NFIA: variants seen among roughly 807,000 people sequenced by gnomAD.
NFIA encodes nuclear factor I A.
NFIA carries 8 observed loss-of-function variants against 62.8 expected under a neutral mutation model. The observed-to-expected ratio is 0.13, with a 90% CI of 0.07 to 0.23. NFIA has a LOEUF of 0.23. Among genes scored for constraint, NFIA ranks in the 10% least tolerant of loss-of-function variants. NFIA has a pLI of 1.00. For synonymous variants in NFIA, 235 were observed against 238.1 expected, an observed-to-expected ratio of 0.99 and a Z score of 0.12; for missense variants, 410 against 642.1, an observed-to-expected ratio of 0.64 and a Z score of 3.91.
chr1:61,190,809 C>T (rs909172115), intron 2 of NFIA, among the ~76,000 whole-genome samples: 4 of 152,184 alleles, frequency 2.6e-5, no homozygotes, highest in African/African-American at 7.2e-5. Flanking sequence ...ATGATTTAGA[C>T]TTCTTGCAAC....
At chr1:61,226,612 C>T (rs1164768154) in intron 2 of NFIA, among the ~76,000 whole-genome samples, 1 of 152,120 alleles carries the variant, frequency 6.6e-6, no homozygotes, top group Admixed American at 6.5e-5. Context: ...CAAAGAAATG[C>T]TTTATTTCAT....
In NFIA at chr1:61,406,542, T is replaced by TGGGGGGGGGGGGGGGGGGGGGG; in HGVS notation, c.1255-19_1255-18insGGGGGGGGGGGGGGGGGGGGGG. ...TTCTTTTTCTTGTACGTGTGTTTTC[T>TGGGGGGGGGGGGGGGGGGGGGG]GCCCCCCCCCCCCCCACAGCCCAAT... On this transcript the variant is annotated intron_variant, in intron 8 of 10. Coordinates refer to ENST00000403491, the MANE Select transcript of NFIA (RefSeq NM_001134673.4). 1.5e-5 allele frequency: 19 copies of TGGGGGGGGGGGGGGGGGGGGGG among 1,253,804 alleles called. No homozygotes were observed. The highest frequency in any genetic ancestry group is 9.2e-5 in the East Asian group (3 of 32,728). The allele number at this position is 1,253,804 out of a possible 1,614,324, so 77.7% of individuals were successfully genotyped here.
intron 6 of NFIA, among the ~76,000 whole-genome samples, chr1:61,372,955 T>A (rs1291151233): frequency 6.6e-6 from 1 of 152,160 alleles, no homozygotes; most frequent in Non-Finnish European, 1.5e-5. Flanking sequence ...TATTAAAAAT[T>A]TGAGGTTAAA....
At position 61,166,206 on chromosome 1, in the gene NFIA, C is replaced by A. The variant is rs1159552752; in HGVS notation, c.559+77526C>A. On this transcript the variant is annotated intron_variant, in intron 2 of 10. Coordinates refer to ENST00000403491, the MANE Select transcript of NFIA (RefSeq NM_001134673.4). ...CCTATTTGTATAGGAAAATATAGTA[C>A]ATTTCCATTCAATATCTACCTATAA... is the stretch of plus-strand genomic sequence containing the variant. Among the ~76,000 whole-genome samples the A allele has an allele frequency of 3.3e-5, 5 of 152,222 alleles. No homozygotes were observed. In the South Asian group the frequency reaches 6.2e-4, roughly 19 times the overall value.
chr1:61,082,327 C>G (rs1040043471), upstream of NFIA: 21 of 268,870 alleles, frequency 7.8e-5, no homozygotes, highest in Non-Finnish European at 1.1e-4. Flanking sequence ...GGCTCGGGAC[C>G]CGGCTGGCCG....
In NFIA at chr1:61,167,753, G is replaced by T. The variant is rs903699596; in HGVS notation, c.559+79073G>T. On this transcript the variant is annotated intron_variant, in intron 2 of 10. Transcript: ENST00000403491. ...GGTGTTATTTCTCATTAAAACATTTGCAGGTTTTAGGTGTTATGATCCTTT... is the reference window on the plus strand; with the variant it reads ...GGTGTTATTTCTCATTAAAACATTTTCAGGTTTTAGGTGTTATGATCCTTT... 7.9e-5 allele frequency among the ~76,000 whole-genome samples: 12 copies of T among 152,202 alleles called. No homozygotes were observed. In the East Asian group the frequency reaches 1.9e-3, roughly 24 times the overall value.
At chr1:61,195,911 G>T (rs1337043196) in intron 2 of NFIA, among the ~76,000 whole-genome samples, 3 of 152,082 alleles carry the variant, frequency 2.0e-5, no homozygotes, top group Admixed American at 6.5e-5. Context: ...TTTTAAATCA[G>T]TCTGGATTTT....
At chr1:61,440,976 T>C (rs1037746908) in intron 10 of NFIA, among the ~76,000 whole-genome samples, 1 of 152,080 alleles carries the variant, frequency 6.6e-6, no homozygotes, top group African/African-American at 2.4e-5. Flanking sequence ...TGGAATAAAG[T>C]TCATATCATT....
chr1:61,190,097 T>C (rs536359828), intron 2 of NFIA, among the ~76,000 whole-genome samples: 1 of 152,328 alleles, frequency 6.6e-6, no homozygotes, highest in South Asian at 2.1e-4. Context: ...ACAGGTAGCG[T>C]TGGAAGCCTC....
intron 2 of NFIA, among the ~76,000 whole-genome samples, chr1:61,266,902 T>C (rs1441829311): frequency 6.6e-6 from 1 of 152,214 alleles, no homozygotes; most frequent in Non-Finnish European, 1.5e-5. Flanking sequence ...ACTCATAATT[T>C]ACAAGGCACT....
chr1:61,153,852 C>T (rs1469440635), intron 2 of NFIA, among the ~76,000 whole-genome samples: 1 of 152,176 alleles, frequency 6.6e-6, no homozygotes, highest in African/African-American at 2.4e-5. Flanking sequence ...CCTTATTGGT[C>T]AGCTTAGAGA....
intron 2 of NFIA, among the ~76,000 whole-genome samples, chr1:61,154,984 G>A (rs1050174487): frequency 5.9e-5 from 9 of 152,158 alleles, no homozygotes; most frequent in Admixed American, 4.6e-4. Flanking sequence ...CCTAATTTGG[G>A]TTTAATTCTG....
Position 61,105,170 on chromosome 1 carries a change from A to G in NFIA, c.559+16490A>G, listed in dbSNP as rs1646574298. On this transcript the variant is annotated intron_variant, in intron 2 of 10. Coordinates refer to ENST00000403491, the MANE Select transcript of NFIA (RefSeq NM_001134673.4). Reference sequence around the variant, plus strand: ...TCCATGTTTCTGAAGTGTGAGATTCAGGTCAAGGTCAATGTGTGGCCAGTT... The same window carrying G: ...TCCATGTTTCTGAAGTGTGAGATTCGGGTCAAGGTCAATGTGTGGCCAGTT... Among the ~76,000 whole-genome samples the G allele has an allele frequency of 2.0e-5, 3 of 151,958 alleles. No individual in the cohort carries two copies. The South Asian group carries it at 6.2e-4, about 31-fold the overall frequency.
intron 10 of NFIA, among the ~76,000 whole-genome samples, chr1:61,450,969 ATTTG>A (rs1668030226): frequency 6.6e-6 from 1 of 152,192 alleles, no homozygotes. Context: ...ACATTAGAGC[ATTTG>A]TTGCTAACGC....
intron 6 of NFIA, among the ~76,000 whole-genome samples, chr1:61,379,169 G>GTATCTCACAC: frequency 6.6e-6 from 1 of 152,116 alleles, no homozygotes; most frequent in Non-Finnish European, 1.5e-5. Flanking sequence ...TGCAAGAGGA[G>GTATCTCACAC]AGGATTATAT....
intron 5 of NFIA, among the ~76,000 whole-genome samples, chr1:61,354,600 A>G (rs1168021696): frequency 1.3e-5 from 2 of 152,232 alleles, no homozygotes; most frequent in Admixed American, 6.5e-5. Context: ...GTCCTAGTGA[A>G]TAGAGGAGTC....
At chr1:61,191,727 A>G (rs1014453018) in intron 2 of NFIA, among the ~76,000 whole-genome samples, 1 of 152,064 alleles carries the variant, frequency 6.6e-6, no homozygotes, top group South Asian at 2.1e-4. Context: ...CCCTACATCC[A>G]TCATACAAAA....
At chr1:61,415,384 A>T (rs1666302829) in intron 9 of NFIA, among the ~76,000 whole-genome samples, 1 of 152,178 alleles carries the variant, frequency 6.6e-6, no homozygotes, top group Admixed American at 6.5e-5. Flanking sequence ...TGGAAAAAAC[A>T]CCATGAACAA....
At chr1:61,413,728 G>A (rs1036911729) in intron 9 of NFIA, among the ~76,000 whole-genome samples, 1 of 135,552 alleles carries the variant, frequency 7.4e-6, no homozygotes, top group African/African-American at 2.8e-5. Context: ...CTGGGTTCAA[G>A]CGATTCTCCT....
Sources: gnomAD v4.1 joint callset for allele counts (sites outside exome capture counted in the v4.1 genomes callset) on GRCh38, gnomAD v4.1.1 for gene constraint, MANE v1.5 for transcripts, NCBI Gene and HGNC (gene_info 2026-07-23, HGNC 2026-07-21) for gene names.